ZNF473: variants seen among roughly 807,000 people sequenced by gnomAD.
ZNF473 encodes zinc finger protein 473.
In ZNF473, 4 loss-of-function variants were observed where a neutral mutation model predicts 11.1. The ratio of observed to expected loss-of-function variants is 0.36; its 90% CI spans 0.18 to 0.82. The LOEUF is 0.82. Among genes scored for constraint, ZNF473 ranks in the 40% least tolerant of loss-of-function variants. The pLI is 0.49. For missense variants in ZNF473, 854 were observed against 1,084.0 expected, an observed-to-expected ratio of 0.79 and a Z score of 2.98; for synonymous variants, 404 against 390.4, an observed-to-expected ratio of 1.03 and a Z score of -0.41.
Position 50,029,861 on chromosome 19 carries a change from T to C in ZNF473, c.-191-1031T>C, listed in dbSNP as rs75223925. Among the ~76,000 whole-genome samples, 1,319 of 152,232 alleles carry C rather than the reference T, an allele frequency of 8.7e-3. 79 individuals are homozygous for C. The East Asian group carries it at 0.11, about 13-fold the overall frequency. On this transcript the variant is annotated intron_variant, in intron 1 of 4. Coordinates refer to ENST00000270617, the MANE Select transcript of ZNF473 (RefSeq NM_015428.4). ...TGAGTAGTCATGATACTTTTTTTTT[T>C]TCTTTTTTGAGATGGAGTCTCACTG...
At chr19:50,028,372 G>A (rs2077298998) in intron 1 of ZNF473, among the ~76,000 whole-genome samples, 1 of 151,394 alleles carries the variant, frequency 6.6e-6, no homozygotes, top group Non-Finnish European at 1.5e-5. Flanking sequence ...CTGGAGTACA[G>A]TGACACAATC....
At position 50,045,712 on chromosome 19, in the gene ZNF473, G is replaced by C. The variant is rs1979066575; in HGVS notation, c.1269G>C (p.Arg423Ser). The change falls in exon 5 of 5, where the codon AGG (arginine) becomes AGC (serine). Residue 423 changes from arginine to serine, a missense_variant. Arg to Ser is a moderately radical substitution (Grantham distance 110, BLOSUM62 -1). Around this residue, in one of 2 missense-constraint regions of ZNF473, gnomAD observed 668 missense variants for 790.2 expected, o/e 0.85. Transcript: ENST00000270617. ...ACTCTACCCTAAAGATCCATCAGAG[G>C]GTTCACAGTGGAGAGAAGCCTTACA... ...RHNSTLKIHQRVHSGEKPYKC... is the reference protein window; with the variant it reads ...RHNSTLKIHQSVHSGEKPYKC... 6.2e-7 allele frequency: 1 copy of C among 1,614,062 alleles called. No individual in the cohort carries two copies.
At chr19:50,032,632 T>C (rs1288373858) in intron 2 of ZNF473, among the ~76,000 whole-genome samples, 1 of 152,170 alleles carries the variant, frequency 6.6e-6, no homozygotes, top group Non-Finnish European at 1.5e-5. Flanking sequence ...CGGGTGACAG[T>C]GTATGAGCTT....
chr19:50,036,264 G>C (rs62115246), intron 2 of ZNF473, among the ~76,000 whole-genome samples: 15,330 of 149,516 alleles, frequency 0.1, 1,024 homozygotes, highest in East Asian at 0.29. Context: ...CCCACCAATC[G>C]AAACTCCTTG....
intron 4 of ZNF473, 72 bp from the exon 5 acceptor site, chr19:50,044,592 AAGATCT>A: frequency 8.1e-7 from 1 of 1,234,896 alleles, no homozygotes; most frequent in Non-Finnish European, 1.1e-6. Flanking sequence ...GGCTGGACTC[AAGATCT>A]ATCACCCCTA....
intron 2 of ZNF473, among the ~76,000 whole-genome samples, chr19:50,036,630 G>T (rs1478038741): frequency 6.6e-6 from 1 of 151,980 alleles, no homozygotes; most frequent in Non-Finnish European, 1.5e-5. Flanking sequence ...GGCCAAGGTG[G>T]GGCCTTTAAG....
At chr19:50,035,056 C>G (rs1026925653) in intron 2 of ZNF473, among the ~76,000 whole-genome samples, 5 of 152,156 alleles carry the variant, frequency 3.3e-5, no homozygotes, top group South Asian at 4.1e-4. Flanking sequence ...CTTTGGAAGG[C>G]TGAGGTGGGC....
Position 50,046,198 on chromosome 19 carries a change from C to T in ZNF473, c.1755C>T (p.Thr585=), listed in dbSNP as rs1979108037. The T allele has an allele frequency of 6.2e-7, 1 of 1,614,162 alleles. No individual in the cohort carries two copies. ...KYLTQHERIH[T]RGVKPFECDQ... is the part of the protein sequence containing the mutation. Reference sequence around the variant, plus strand: ...TAACTCAGCACGAGAGGATTCACACCAGGGGAGTGAAGCCCTTTGAATGTG... The same window carrying T: ...TAACTCAGCACGAGAGGATTCACACTAGGGGAGTGAAGCCCTTTGAATGTG... Residue 585 remains threonine (T), a synonymous_variant, in exon 5 of 5, where the codon ACC becomes ACT. Coordinates refer to ENST00000270617, the MANE Select transcript of ZNF473 (RefSeq NM_015428.4). This position sits in a 1 kb window ranked among gnomAD's most constrained non-coding sequence, Gnocchi z 5.9.
chr19:50,037,748 G>C (rs1038554403), intron 2 of ZNF473, among the ~76,000 whole-genome samples: 5 of 151,858 alleles, frequency 3.3e-5, no homozygotes, highest in Non-Finnish European at 7.4e-5. Flanking sequence ...TTGAGCCCAG[G>C]AGGTGGAGGC....
In ZNF473 at chr19:50,044,941, A is replaced by G. The variant is rs1978984254; in HGVS notation, c.498A>G (p.Glu166=). 1.2e-6 allele frequency: 2 copies of G among 1,614,234 alleles called. No homozygotes were observed. Among genetic ancestry groups the G allele is most frequent in the Non-Finnish European group, 1.7e-6 (2 of 1,180,038 alleles). Residue 166 remains glutamate (E), a synonymous_variant, in exon 5 of 5, where the codon GAA becomes GAG. Transcript: ENST00000270617. The part of the protein sequence containing the change: ...LSPVSTVSTG[E]DSMVHNVSEK... ...CTGTGTCCACCGTTTCCACGGGAGA[A>G]GATTCCATGGTGCATAATGTTTCTG...
At chr19:50,044,118 G>A (rs1376933369) in intron 4 of ZNF473, among the ~76,000 whole-genome samples, 1 of 152,208 alleles carries the variant, frequency 6.6e-6, no homozygotes, top group South Asian at 2.1e-4. Flanking sequence ...GAGAGAGAGA[G>A]ACAGACAAAC....
At chr19:50,038,476 G>A (rs58675301) in intron 2 of ZNF473, among the ~76,000 whole-genome samples, 4 of 152,164 alleles carry the variant, frequency 2.6e-5, no homozygotes, top group Admixed American at 6.5e-5. Context: ...CAGGAAATGC[G>A]TGGCCAGGGA....
chr19:50,032,948 CA>C (rs1385682688), intron 2 of ZNF473, among the ~76,000 whole-genome samples: 1 of 152,154 alleles, frequency 6.6e-6, no homozygotes, highest in South Asian at 2.1e-4. Flanking sequence ...CTTTTTATAA[CA>C]ACTTCAGTCG....
At chr19:50,028,502 T>C (rs921388897) in intron 1 of ZNF473, among the ~76,000 whole-genome samples, 37 of 146,052 alleles carry the variant, frequency 2.5e-4, no homozygotes, top group Non-Finnish European at 4.9e-4. Context: ...CCACCACAAC[T>C]TGCTCATTTT....
chr19:50,043,850 T>TACTG (rs60683251), intron 4 of ZNF473, among the ~76,000 whole-genome samples: 7,921 of 151,990 alleles, frequency 0.052, 671 homozygotes, highest in African/African-American at 0.18. Flanking sequence ...AGAAGGGTGA[T>TACTG]AAGCTGGGTA....
intron 2 of ZNF473, among the ~76,000 whole-genome samples, chr19:50,035,452 C>T (rs867103016): frequency 7.2e-6 from 1 of 138,496 alleles, no homozygotes; most frequent in East Asian, 2.2e-4. Context: ...TTCTTTCATA[C>T]GTGTGTGTGT....
At position 50,046,228 on chromosome 19, in the gene ZNF473, G is replaced by A; in HGVS notation, c.1785G>A (p.Gln595=). ...TRGVKPFECD[Q]CGKAFGQSTR... ...GAGTGAAGCCCTTTGAATGTGACCA[G>A]TGTGGGAAAGCCTTTGGCCAAAGTA... The change falls in exon 5 of 5, where the codon CAG becomes CAA. Residue 595 remains glutamine (Q), a synonymous_variant. Coordinates refer to ENST00000270617, the MANE Select transcript of ZNF473 (RefSeq NM_015428.4). This position sits in a 1 kb window ranked among gnomAD's most constrained non-coding sequence, Gnocchi z 5.9. The A allele has an allele frequency of 6.2e-7, 1 of 1,614,196 alleles. No individual in the cohort carries two copies.
In ZNF473 at chr19:50,046,117, A is replaced by C; in HGVS notation, c.1674A>C (p.Lys558Asn). ...TCTTGGATCAGAACCCAGAACAGAA[A>C]GAGAAGTGCTTTAAGTGTAACAAAT... The part of the protein sequence containing the change: ...GKILDQNPEQ[K>N]EKCFKCNKCE... The change falls in exon 5 of 5, where the codon AAA (lysine) becomes AAC (asparagine). Residue 558 changes from lysine (K) to asparagine (N), a missense_variant. Lys to Asn is a moderately conservative substitution (Grantham distance 94). This residue lies in a region of ZNF473 where 668 missense variants were observed against 790.2 expected (regional missense o/e 0.85). Transcript: ENST00000270617. The surrounding 1 kb of genome is among the most constrained non-coding windows in gnomAD (Gnocchi z 5.9). The C allele has an allele frequency of 6.2e-7, 1 of 1,614,220 alleles. No individual in the cohort carries two copies. The highest frequency in any genetic ancestry group is 8.5e-7 in the Non-Finnish European group (1 of 1,180,030).
chr19:50,037,325 A>G (rs1978503684), intron 2 of ZNF473, among the ~76,000 whole-genome samples: 1 of 152,160 alleles, frequency 6.6e-6, no homozygotes, highest in Admixed American at 6.5e-5. Flanking sequence ...TCACTCATAA[A>G]GGGAAGGTAA....
Sources: allele counts gnomAD v4.1 joint callset (sites outside exome capture counted in the v4.1 genomes callset), GRCh38; gene constraint gnomAD v4.1.1; regional missense constraint gnomAD v4.1.1; non-coding constraint Gnocchi (gnomAD v3.1); transcripts MANE v1.5; gene names NCBI Gene and HGNC (gene_info 2026-07-23, HGNC 2026-07-21).